The following INPP4B variants were observed in gnomAD, a reference collection of about 807,000 sequenced individuals.
The protein encoded by INPP4B is inositol polyphosphate 4-phosphatase type II.
In INPP4B, 55 loss-of-function variants were observed where a neutral mutation model predicts 122.5. That is an observed-to-expected ratio of 0.45 (90% CI 0.36 to 0.56). INPP4B has a LOEUF of 0.56. Ranked by LOEUF, INPP4B falls within the 20% of genes least tolerant of loss-of-function variation. The probability of loss-of-function intolerance (pLI) is 0.00; values close to 1 mark genes in which losing one functional copy is unlikely to be tolerated. For synonymous variants in INPP4B, 403 were observed against 388.7 expected, an observed-to-expected ratio of 1.04 and a Z score of -0.43; for missense variants, 1,000 against 1,097.7, an observed-to-expected ratio of 0.91 and a Z score of 1.26.
chr4:142,257,629 C>G (rs1737010190), intron 11 of INPP4B, among the ~76,000 whole-genome samples: 1 of 152,156 alleles, frequency 6.6e-6, no homozygotes, highest in African/African-American at 2.4e-5. Flanking sequence ...AATCAAATAC[C>G]TAGGAATCCA....
chr4:142,456,727 G>A (rs1014386703), intron 3 of INPP4B, among the ~76,000 whole-genome samples: 27 of 152,002 alleles, frequency 1.8e-4, no homozygotes, highest in Admixed American at 2.0e-4. Flanking sequence ...TGCGCTCATG[G>A]ATTAGAAGAC....
intron 7 of INPP4B, among the ~76,000 whole-genome samples, chr4:142,366,130 A>C (rs886354085): frequency 6.6e-6 from 1 of 151,952 alleles, no homozygotes; most frequent in Admixed American, 6.6e-5. Flanking sequence ...AATCTCCCTC[A>C]CCATTAAGAA....
chr4:142,788,625 C>T (rs1035113559), intron 1 of INPP4B, among the ~76,000 whole-genome samples: 3 of 152,086 alleles, frequency 2.0e-5, no homozygotes, highest in Non-Finnish European at 4.4e-5. Context: ...CCCTGCCTGG[C>T]CTTCCCCACT....
chr4:142,795,626 C>T (rs746630069), intron 1 of INPP4B: 10 of 151,948 alleles, frequency 6.6e-5, no homozygotes, highest in African/African-American at 9.7e-5. Context: ...GTGTGAAAAA[C>T]ATAGCAGAGC....
rs1428308433 is a variant in INPP4B, at chr4:142,072,641, A to G, written c.2642+9390T>C. ...TGATAGGAAGCTGCCATGACAAAGA[A>G]CCAATAATGACAGTAATAACAGTCA... On this transcript the variant is annotated intron_variant, in intron 25 of 25. Transcript: ENST00000262992. Among the ~76,000 whole-genome samples, 4 of 151,946 alleles carry G rather than the reference A, an allele frequency of 2.6e-5. No homozygotes were observed. In the East Asian group the frequency reaches 7.7e-4, roughly 29 times the overall value.
intron 2 of INPP4B, among the ~76,000 whole-genome samples, chr4:142,701,900 A>G: frequency 6.6e-6 from 1 of 152,230 alleles, no homozygotes; most frequent in Non-Finnish European, 1.5e-5. Context: ...TATTCTAGAT[A>G]TTTTGATGTC....
chr4:142,461,847 T>C (rs1436438143), intron 3 of INPP4B, among the ~76,000 whole-genome samples: 1 of 151,600 alleles, frequency 6.6e-6, no homozygotes, highest in Non-Finnish European at 1.5e-5. Flanking sequence ...TGAGGTCAGG[T>C]GACAGATTCG....
At chr4:142,253,994 G>A (rs919084598) in intron 11 of INPP4B, among the ~76,000 whole-genome samples, 10 of 151,976 alleles carry the variant, frequency 6.6e-5, no homozygotes, top group Non-Finnish European at 7.4e-5. Flanking sequence ...CTCCCAGCTC[G>A]CAGCTAGAGA....
intron 15 of INPP4B, among the ~76,000 whole-genome samples, chr4:142,176,238 T>C (rs1418731186): frequency 6.6e-6 from 1 of 151,512 alleles, no homozygotes; most frequent in Non-Finnish European, 1.5e-5. Flanking sequence ...GCTGCACCCA[T>C]TAAGTCATCA....
At chr4:142,448,776 T>C (rs1338938483) in intron 3 of INPP4B, among the ~76,000 whole-genome samples, 1 of 152,154 alleles carries the variant, frequency 6.6e-6, no homozygotes, top group Non-Finnish European at 1.5e-5. Context: ...CAGGAATGTA[T>C]CCTAATTTAA....
At position 142,602,616 on chromosome 4, in the gene INPP4B, C is replaced by T. The variant is rs187803038; in HGVS notation, c.-191+123223G>A. Among the ~76,000 whole-genome samples the T allele has an allele frequency of 5.3e-3, 800 of 152,172 alleles. 6 individuals carry two copies. The highest frequency in any genetic ancestry group is 0.017 in the African/African-American group (726 of 41,536). On this transcript the variant is annotated intron_variant, in intron 2 of 25. Transcript: ENST00000262992. ...CAGCCAACAAACATATGAAAAAAAG[C>T]TCAACATCACTGATCATTAGAAAAA...
At chr4:142,717,008 C>T (rs2150820346) in intron 2 of INPP4B, among the ~76,000 whole-genome samples, 1 of 152,292 alleles carries the variant, frequency 6.6e-6, no homozygotes, top group East Asian at 1.9e-4. Context: ...TATGATCAAT[C>T]TTATTATTTC....
chr4:142,489,031 C>T (rs1246104790), intron 2 of INPP4B, among the ~76,000 whole-genome samples: 1 of 152,040 alleles, frequency 6.6e-6, no homozygotes, highest in African/African-American at 2.4e-5. Flanking sequence ...TAGCTTCTCC[C>T]CACAAATTTT....
At chr4:142,504,204 A>T (rs1268043773) in intron 2 of INPP4B, among the ~76,000 whole-genome samples, 1 of 152,094 alleles carries the variant, frequency 6.6e-6, no homozygotes, top group Non-Finnish European at 1.5e-5. Flanking sequence ...AAGACAACTC[A>T]ATAGAAATAG....
intron 1 of INPP4B, among the ~76,000 whole-genome samples, chr4:142,822,802 G>A (rs1246410424): frequency 6.6e-6 from 1 of 152,126 alleles, no homozygotes; most frequent in Non-Finnish European, 1.5e-5. Context: ...TAGTCTCTTA[G>A]CCTAGTCTTA....
In INPP4B at chr4:142,407,807, T is replaced by C. The variant is rs1037486646; in HGVS notation, c.137-2483A>G. ...CTGTGGCACTGAGTAAGTCACAAACTCTGACACTTAATTGCCTCATCTATC... is the reference window on the plus strand; with the variant it reads ...CTGTGGCACTGAGTAAGTCACAAACCCTGACACTTAATTGCCTCATCTATC... On this transcript the variant is annotated intron_variant, in intron 5 of 25. Transcript: ENST00000262992. Among the ~76,000 whole-genome samples, 7 of 152,148 alleles carry C rather than the reference T, an allele frequency of 4.6e-5. No individual in the cohort carries two copies. In the East Asian group the frequency reaches 1.2e-3, roughly 25 times the overall value.
At chr4:142,034,452 G>A (rs781143688) in intron 25 of INPP4B, among the ~76,000 whole-genome samples, 14 of 151,892 alleles carry the variant, frequency 9.2e-5, no homozygotes, top group East Asian at 3.9e-4. Context: ...CTCTGCCCCC[G>A]CGATCCCCTC....
At chr4:142,461,333 G>A (rs1580125003) in intron 3 of INPP4B, among the ~76,000 whole-genome samples, 1 of 152,142 alleles carries the variant, frequency 6.6e-6, no homozygotes, top group Non-Finnish European at 1.5e-5. Context: ...ATTTTCAAAG[G>A]AAAGAAATAT....
chr4:142,613,322 T>C (rs1182120976), intron 2 of INPP4B, among the ~76,000 whole-genome samples: 3 of 152,222 alleles, frequency 2.0e-5, no homozygotes, highest in Non-Finnish European at 4.4e-5. Context: ...AGTAGTACAT[T>C]TTATAAGGTA....
Sources: gnomAD v4.1 joint callset for allele counts (sites outside exome capture counted in the v4.1 genomes callset) on GRCh38, gnomAD v4.1.1 for gene constraint, MANE v1.5 for transcripts, NCBI Gene and HGNC (gene_info 2026-07-23, HGNC 2026-07-21) for gene names.